ANKMY1: variants seen among roughly 807,000 people sequenced by gnomAD.
ANKMY1 encodes the protein ankyrin repeat and MYND domain-containing protein 1.
In ANKMY1, 98 loss-of-function variants were observed where a neutral mutation model predicts 102.0. The ratio of observed to expected loss-of-function variants is 0.96; its 90% CI spans 0.82 to 1.14. The LOEUF (loss-of-function observed/expected upper bound fraction) is 1.14. Among genes scored for constraint, ANKMY1 ranks in the 50% most tolerant of loss-of-function variants. The pLI is 0.00. For synonymous variants in ANKMY1, 582 were observed against 559.9 expected, an observed-to-expected ratio of 1.04 and a Z score of -0.56; for missense variants, 1,330 against 1,347.6, an observed-to-expected ratio of 0.99 and a Z score of 0.20.
chr2:240,556,548 C>T (rs933433489), intron 2 of ANKMY1, among the ~76,000 whole-genome samples: 3 of 152,250 alleles, frequency 2.0e-5, no homozygotes, highest in South Asian at 2.1e-4. Flanking sequence ...TTCACTGTTT[C>T]GCCCTGAACA....
downstream of ANKMY1, among the ~76,000 whole-genome samples, chr2:240,477,010 C>T (rs182591188): frequency 1.3e-5 from 2 of 152,310 alleles, no homozygotes; most frequent in African/African-American, 4.8e-5. Flanking sequence ...GAAGAGCAAA[C>T]ATCTCCAATG....
At chr2:240,485,103 T>G (rs1291203902) in intron 15 of ANKMY1, among the ~76,000 whole-genome samples, 1 of 151,774 alleles carries the variant, frequency 6.6e-6, no homozygotes, top group Non-Finnish European at 1.5e-5. Flanking sequence ...CTGAGGTGGG[T>G]GGATCATGAG....
Position 240,520,561 on chromosome 2 carries a change from C to A in ANKMY1, c.1833-28G>T. The A allele has an allele frequency of 6.3e-7, 1 of 1,596,930 alleles. No homozygotes were observed. The highest frequency in any genetic ancestry group is 8.5e-7 in the Non-Finnish European group (1 of 1,171,226). ...GAAAAAGACGGTGCGCCCGTGGGCC[C>A]CTGGAGGGCAGGCACCTGCACTGCG... On this transcript the variant is annotated intron_variant, in intron 8 of 17. Coordinates refer to ENST00000401804, the MANE Select transcript of ANKMY1 (RefSeq NM_001282771.3). The surrounding 1 kb of genome is among the most constrained non-coding windows in gnomAD (Gnocchi z 4.8).
intron 12 of ANKMY1, 184 bp from the exon 13 acceptor site, chr2:240,507,875 G>A (rs2079378479): frequency 3.2e-6 from 2 of 616,906 alleles, no homozygotes; most frequent in Admixed American, 4.2e-5. Context: ...TCCCACAGAG[G>A]ATGATGCTGG....
At chr2:240,477,516 C>G (rs2074934618), downstream of ANKMY1, among the ~76,000 whole-genome samples, 1 of 152,166 alleles carries the variant, frequency 6.6e-6, no homozygotes, top group Non-Finnish European at 1.5e-5. Context: ...CCACCACAGC[C>G]TCCTGAGTAG....
At chr2:240,503,203 G>A (rs1435802456) in intron 13 of ANKMY1, among the ~76,000 whole-genome samples, 1 of 152,218 alleles carries the variant, frequency 6.6e-6, no homozygotes, top group African/African-American at 2.4e-5. Context: ...CTCAGGATCA[G>A]TGGGCTTGAA....
At chr2:240,488,469 T>C (rs530797041) in intron 15 of ANKMY1, among the ~76,000 whole-genome samples, 15 of 152,322 alleles carry the variant, frequency 9.8e-5, no homozygotes, top group African/African-American at 3.6e-4. Context: ...TTTGGTTCTA[T>C]ATGAATTTTA....
Position 240,543,121 on chromosome 2 carries a change from G to A in ANKMY1, c.480+9793C>T, listed in dbSNP as rs544894944. ...TCCCAGCAATTTGGGAGGCCAAGGCGGGCAGATCATGAGGTCAGGAGATGG... is the reference window on the plus strand; with the variant it reads ...TCCCAGCAATTTGGGAGGCCAAGGCAGGCAGATCATGAGGTCAGGAGATGG... On this transcript the variant is annotated intron_variant, in intron 4 of 17. Coordinates refer to ENST00000401804, the MANE Select transcript of ANKMY1 (RefSeq NM_001282771.3). Among the ~76,000 whole-genome samples the A allele has an allele frequency of 1.3e-3, 192 of 151,994 alleles. 1 individual carries two copies. The highest frequency in any genetic ancestry group is 4.1e-3 in the African/African-American group (171 of 41,478).
intron 12 of ANKMY1, 66 bp from the exon 13 acceptor site, chr2:240,507,757 C>T: frequency 6.6e-7 from 1 of 1,524,288 alleles, no homozygotes; most frequent in Non-Finnish European, 8.8e-7. Flanking sequence ...GGGGAAGGCC[C>T]CAGGGCTGGG....
intron 7 of ANKMY1, 34 bp downstream of exon 7, chr2:240,525,649 GAC>G (rs1559325596): frequency 6.2e-7 from 1 of 1,605,130 alleles, no homozygotes; most frequent in South Asian, 1.1e-5. Flanking sequence ...GACTACAGGA[GAC>G]AGTTGGTGGT....
rs998197076 is a variant in ANKMY1 at position 240,524,335 on chromosome 2, A to C, written c.1382T>G (p.Met461Arg). The C allele has an allele frequency of 6.2e-7, 1 of 1,610,166 alleles. No homozygotes were observed. Among genetic ancestry groups the C allele is most frequent in the South Asian group, 1.1e-5 (1 of 90,714 alleles). The change falls in exon 8 of 18, where the codon ATG becomes AGG. Residue 461 changes from methionine to arginine, a missense_variant. Physicochemically the swap from Met to Arg is moderately conservative, Grantham distance 91. Coordinates refer to ENST00000401804, the MANE Select transcript of ANKMY1 (RefSeq NM_001282771.3). ...PVVPILSSSF[M>R]DTNLESLYYE... Reference sequence around the variant, plus strand: ...GTACAGAGACTCCAGGTTTGTGTCCATAAATGATGATGAAAGGATTGGAAC... The same window carrying C: ...GTACAGAGACTCCAGGTTTGTGTCCCTAAATGATGATGAAAGGATTGGAAC...
At chr2:240,541,057 A>G (rs1473159676) in intron 4 of ANKMY1, among the ~76,000 whole-genome samples, 3 of 152,190 alleles carry the variant, frequency 2.0e-5, no homozygotes, top group African/African-American at 7.2e-5. Flanking sequence ...AGGAAATTCC[A>G]TTTGCAGGTT....
chr2:240,520,084 G>A lies in ANKMY1; in HGVS notation c.2004+278C>T. On this transcript the variant is annotated intron_variant, in intron 9 of 17. Coordinates refer to ENST00000401804, the MANE Select transcript of ANKMY1 (RefSeq NM_001282771.3). This position sits in a 1 kb window ranked among gnomAD's most constrained non-coding sequence, Gnocchi z 4.8. ...CCCCTTTCCAAGGGGCCTTCAGGATGCGCTTCCCCTTAGTTTGCTTCAACA... is the reference window on the plus strand; with the variant it reads ...CCCCTTTCCAAGGGGCCTTCAGGATACGCTTCCCCTTAGTTTGCTTCAACA... 1.6e-6 allele frequency: 1 copy of A among 638,304 alleles called. No individual in the cohort carries two copies. Among genetic ancestry groups the A allele is most frequent in the East Asian group, 3.3e-5 (1 of 29,912 alleles). The allele number at this position is 638,304 out of a possible 1,614,324, so 39.5% of individuals were successfully genotyped here. A position where few individuals can be genotyped will look rare whatever the true frequency, so the allele number is the denominator to read the frequency against.
At chr2:240,530,789 C>T (rs954583260) in intron 4 of ANKMY1, among the ~76,000 whole-genome samples, 2 of 152,062 alleles carry the variant, frequency 1.3e-5, no homozygotes, top group African/African-American at 4.8e-5. Flanking sequence ...TGACGCACAC[C>T]TGTAAGCCCA....
At chr2:240,509,506 C>A in intron 11 of ANKMY1, 51 bp from the exon 12 acceptor site, 1 of 1,270,620 alleles carries the variant, frequency 7.9e-7, no homozygotes, top group Non-Finnish European at 1.1e-6. Context: ...CCATAAGCAG[C>A]ACCTGATGGT....
intron 13 of ANKMY1, among the ~76,000 whole-genome samples, 181 bp downstream of exon 13, chr2:240,507,379 G>A (rs1408263000): frequency 3.3e-4 from 9 of 26,866 alleles, no homozygotes; most frequent in African/African-American, 1.5e-3. Context: ...CCCCTCACCA[G>A]GGCTACCCAG....
Position 240,529,365 on chromosome 2 carries a change from CA to C in ANKMY1, c.624del (p.Glu209SerfsTer41). ...IPSGFSLLRY[P>X]EFSSFITHSP... is the part of the protein sequence containing the mutation. ...CTGTGGGTGATGAAGCTGGAGAACTCAGGGTATCTGAGGAGGGAGAAGCCAC... is the reference window on the plus strand; with the variant it reads ...CTGTGGGTGATGAAGCTGGAGAACTCGGGTATCTGAGGAGGGAGAAGCCAC... On this transcript the variant is annotated frameshift_variant, in exon 5 of 18. Coordinates refer to ENST00000401804, the MANE Select transcript of ANKMY1 (RefSeq NM_001282771.3). LOFTEE classifies it high-confidence loss of function. This position sits in a 1 kb window ranked among gnomAD's most constrained non-coding sequence, Gnocchi z 4.2. 6.2e-7 allele frequency: 1 copy of C among 1,614,152 alleles called. No individual in the cohort carries two copies. The highest frequency in any genetic ancestry group is 8.5e-7 in the Non-Finnish European group (1 of 1,180,030).
At chr2:240,545,384 A>G (rs2090121319) in intron 4 of ANKMY1, among the ~76,000 whole-genome samples, 1 of 152,242 alleles carries the variant, frequency 6.6e-6, no homozygotes, top group South Asian at 2.1e-4. Context: ...AAAGACCGAA[A>G]GTAGATAAAA....
At chr2:240,469,444 C>T in the ANKMY1 span, among the ~76,000 whole-genome samples, 1 of 152,204 alleles carries the variant, frequency 6.6e-6, no homozygotes, top group African/African-American at 2.4e-5. Context: ...CCTCTCGGTT[C>T]CTCACAGGAA....
Sources: allele counts gnomAD v4.1 joint callset (sites outside exome capture counted in the v4.1 genomes callset), GRCh38; gene constraint gnomAD v4.1.1; non-coding constraint Gnocchi (gnomAD v3.1); transcripts MANE v1.5; gene names NCBI Gene and HGNC (gene_info 2026-07-23, HGNC 2026-07-21).